The following CCDC85A variants were observed in gnomAD, a reference collection of about 807,000 sequenced individuals.
CCDC85A encodes coiled-coil domain-containing protein 85A.
In CCDC85A, 38 loss-of-function variants were observed where a neutral mutation model predicts 50.2. The ratio of observed to expected loss-of-function variants is 0.76; its 90% CI spans 0.58 to 0.99. CCDC85A has a LOEUF of 0.99. Among genes scored for constraint, CCDC85A ranks in the 50% least tolerant of loss-of-function variants. CCDC85A has a pLI of 0.00. For missense variants in CCDC85A, 820 were observed against 742.0 expected, an observed-to-expected ratio of 1.11 and a Z score of -1.22; for synonymous variants, 366 against 301.4, an observed-to-expected ratio of 1.21 and a Z score of -2.22.
chr2:56,186,988 G>A (rs35783613), intron 1 of CCDC85A, among the ~76,000 whole-genome samples: 29,587 of 152,078 alleles, frequency 0.19, 3,511 homozygotes, highest in East Asian at 0.49. Flanking sequence ...TCATCCCTGG[G>A]CTGCTGCAAG....
At chr2:56,327,217 T>C (rs1461494288) in intron 2 of CCDC85A, among the ~76,000 whole-genome samples, 1 of 152,186 alleles carries the variant, frequency 6.6e-6, no homozygotes, top group Non-Finnish European at 1.5e-5. Flanking sequence ...TAAGGTTTAT[T>C]GTAAAATGCA....
At chr2:56,330,008 T>C (rs940887230) in intron 2 of CCDC85A, among the ~76,000 whole-genome samples, 2 of 141,134 alleles carry the variant, frequency 1.4e-5, no homozygotes, top group Non-Finnish European at 3.1e-5. Context: ...GTGCATTCAT[T>C]GACAATACCG....
intron 2 of CCDC85A, among the ~76,000 whole-genome samples, chr2:56,327,587 A>G (rs2104282381): frequency 1.3e-5 from 2 of 152,322 alleles, no homozygotes; most frequent in East Asian, 3.9e-4. Flanking sequence ...GTGACAAATG[A>G]TATCCCAGCC....
chr2:56,190,751 A>G (rs1676259096), intron 1 of CCDC85A, among the ~76,000 whole-genome samples: 1 of 152,238 alleles, frequency 6.6e-6, no homozygotes, highest in African/African-American at 2.4e-5. Flanking sequence ...CCAAGCCACC[A>G]TCATCTCCCT....
chr2:56,335,604 C>CTTT (rs35400454), intron 2 of CCDC85A, among the ~76,000 whole-genome samples: 3 of 143,842 alleles, frequency 2.1e-5, no homozygotes, highest in Non-Finnish European at 3.1e-5. Context: ...CCAAACTCAT[C>CTTT]TTTTTTTTTT....
chr2:56,220,170 A>G (rs759471364), intron 2 of CCDC85A, among the ~76,000 whole-genome samples: 1 of 151,962 alleles, frequency 6.6e-6, no homozygotes, highest in African/African-American at 2.4e-5. Context: ...TTCTTGGAAC[A>G]TCCTTTCGTG....
chr2:56,273,106 C>T (rs1161810824), intron 2 of CCDC85A, among the ~76,000 whole-genome samples: 3 of 150,984 alleles, frequency 2.0e-5, no homozygotes, highest in Non-Finnish European at 4.4e-5. Flanking sequence ...AGTATATAGC[C>T]AAAAAAAATT....
At chr2:56,251,065 G>T (rs140975245) in intron 2 of CCDC85A, among the ~76,000 whole-genome samples, 5 of 152,052 alleles carry the variant, frequency 3.3e-5, no homozygotes, top group Non-Finnish European at 7.4e-5. Flanking sequence ...TTATTACCTA[G>T]TGTTGTCTGT....
chr2:56,300,652 G>A (rs1343055571), intron 2 of CCDC85A, among the ~76,000 whole-genome samples: 1 of 152,192 alleles, frequency 6.6e-6, no homozygotes, highest in Non-Finnish European at 1.5e-5. Context: ...TGGAGTTTGT[G>A]AACTCAGTGA....
chr2:56,250,410 C>T lies in CCDC85A; in HGVS notation c.1240+56970C>T, dbSNP rs550896021. ...GAAGTTAGAAAACAAAGTAAACTGTCTGCTTGAACATTGTTGAAAAAGTTA... is the reference window on the plus strand; with the variant it reads ...GAAGTTAGAAAACAAAGTAAACTGTTTGCTTGAACATTGTTGAAAAAGTTA... On this transcript the variant is annotated intron_variant, in intron 2 of 5. Coordinates refer to ENST00000407595, the MANE Select transcript of CCDC85A (RefSeq NM_001080433.2). Among the ~76,000 whole-genome samples the T allele has an allele frequency of 1.2e-4, 19 of 152,236 alleles. No individual in the cohort carries two copies. In the South Asian group the frequency reaches 2.9e-3, roughly 23 times the overall value.
chr2:56,385,361 TA>T lies in CCDC85A; in HGVS notation c.*1010del, dbSNP rs1306911800. ...GACGCATGTCCTTCATTATTGAGGC[TA>T]AAAGCTCTTGTTCAGATTGCTTGAG... On this transcript the variant is annotated 3_prime_UTR_variant, in exon 6 of 6. Transcript: ENST00000407595. 3.9e-5 allele frequency: 6 copies of T among 152,254 alleles called. No individual in the cohort carries two copies. Among genetic ancestry groups the T allele is most frequent in the African/African-American group, 1.4e-4 (6 of 41,416 alleles). The allele number at this position is 152,254 out of a possible 1,614,324, so 9.4% of individuals were successfully genotyped here.
intron 2 of CCDC85A, among the ~76,000 whole-genome samples, chr2:56,331,901 A>C (rs902750224): frequency 2.0e-5 from 3 of 152,138 alleles, no homozygotes; most frequent in African/African-American, 7.2e-5. Context: ...TCTCTTCACA[A>C]AAAAATGCCC....
intron 5 of CCDC85A, among the ~76,000 whole-genome samples, chr2:56,378,025 G>C (rs999600803): frequency 2.0e-5 from 3 of 152,134 alleles, no homozygotes; most frequent in African/African-American, 7.2e-5. Context: ...GGGGACCCTT[G>C]AATATCAAAT....
At chr2:56,228,121 C>G (rs1251346450) in intron 2 of CCDC85A, among the ~76,000 whole-genome samples, 1 of 152,164 alleles carries the variant, frequency 6.6e-6, no homozygotes, top group Non-Finnish European at 1.5e-5. Flanking sequence ...TGAGAACTTC[C>G]TTTGTGAAGT....
intron 2 of CCDC85A, among the ~76,000 whole-genome samples, chr2:56,333,714 G>T (rs1673933332): frequency 6.6e-6 from 1 of 151,918 alleles, no homozygotes; most frequent in African/African-American, 2.4e-5. Context: ...TTGGAGGTAG[G>T]GTCAAAAAAA....
At chr2:56,333,287 G>C (rs1000960659) in intron 2 of CCDC85A, among the ~76,000 whole-genome samples, 3 of 152,188 alleles carry the variant, frequency 2.0e-5, no homozygotes, top group Non-Finnish European at 2.9e-5. Flanking sequence ...AGACTTGTAA[G>C]AGGTGAGGAA....
intron 2 of CCDC85A, among the ~76,000 whole-genome samples, chr2:56,215,169 T>A (rs1119821): frequency 6.6e-6 from 1 of 151,694 alleles, no homozygotes; most frequent in Non-Finnish European, 1.5e-5. Context: ...CAAATTCCAG[T>A]TGTTTGTTGC....
At position 56,313,934 on chromosome 2, in the gene CCDC85A, G is replaced by A. The variant is rs116555228; in HGVS notation, c.1241-28945G>A. 3.4e-3 allele frequency among the ~76,000 whole-genome samples: 500 copies of A among 149,234 alleles called. 2 individuals are homozygous for A. The highest frequency in any genetic ancestry group is 0.012 in the African/African-American group (485 of 38,930). On this transcript the variant is annotated intron_variant, in intron 2 of 5. Coordinates refer to ENST00000407595, the MANE Select transcript of CCDC85A (RefSeq NM_001080433.2). ...GTTCAGGGAGCATGTGATACCAGGA[G>A]ATAGTGTTGTTGTAAGCAGGTAATA...
chr2:56,301,768 T>G (rs1211684272), intron 2 of CCDC85A, among the ~76,000 whole-genome samples: 2 of 151,880 alleles, frequency 1.3e-5, no homozygotes, highest in Non-Finnish European at 2.9e-5. Flanking sequence ...TGAGAACACA[T>G]GGACACAGGG....
Sources: allele counts gnomAD v4.1 joint callset (sites outside exome capture counted in the v4.1 genomes callset), GRCh38; gene constraint gnomAD v4.1.1; transcripts MANE v1.5; gene names NCBI Gene and HGNC (gene_info 2026-07-23, HGNC 2026-07-21).